TIAM1: variants seen among roughly 807,000 people sequenced by gnomAD.
TIAM1 encodes the protein rho guanine nucleotide exchange factor TIAM1.
In TIAM1, 65 loss-of-function variants were observed where a neutral mutation model predicts 163.5. That is an observed-to-expected ratio of 0.40 (90% CI 0.33 to 0.49). TIAM1 has a LOEUF of 0.49. Ranked by LOEUF, TIAM1 falls within the 20% of genes least tolerant of loss-of-function variation. The pLI, the probability that TIAM1 is intolerant of heterozygous loss-of-function variation, is 0.77. For synonymous variants in TIAM1, 833 were observed against 810.1 expected (o/e 1.03, Z -0.48); for missense variants, 1,789 against 2,044.7 (o/e 0.87, Z 2.41).
intron 4 of TIAM1, among the ~76,000 whole-genome samples, chr21:31,263,720 A>C (rs2072606115): frequency 6.6e-6 from 1 of 152,096 alleles, no homozygotes; most frequent in Non-Finnish European, 1.5e-5. Flanking sequence ...GCACTAACTG[A>C]GCACTGTTCA....
chr21:31,248,886 C>G (rs1370091539), intron 5 of TIAM1, among the ~76,000 whole-genome samples: 1 of 152,114 alleles, frequency 6.6e-6, no homozygotes, highest in East Asian at 1.9e-4. Context: ...TGCTCCTGGA[C>G]ACCTGCACCC....
Position 31,385,878 on chromosome 21 carries a change from T to TTAGTTAATA in TIAM1, c.-368-46465_-368-46457dup, listed in dbSNP as rs1219368983. 2.1e-5 allele frequency among the ~76,000 whole-genome samples: 3 copies of TTAGTTAATA among 141,710 alleles called. No individual in the cohort carries two copies. In the Admixed American group the frequency reaches 2.1e-4, roughly 10 times the overall value. The allele number at this position is 141,710 out of a possible 152,430, so 93.0% of individuals were successfully genotyped here. ...ACATATTGATTATATATTAATTATA[T>TTAGTTAATA]TAGTTAATATAATTATATTAGTTAA... On this transcript the variant is annotated intron_variant, in intron 2 of 28. Transcript: ENST00000286827.
chr21:31,351,560 G>C (rs2076234759), intron 2 of TIAM1, among the ~76,000 whole-genome samples: 1 of 152,192 alleles, frequency 6.6e-6, no homozygotes, highest in Admixed American at 6.5e-5. Context: ...AAGGGGCCCA[G>C]AGACCTGGGA....
chr21:31,541,634 G>A (rs988743048), intron 1 of TIAM1, among the ~76,000 whole-genome samples: 16 of 152,124 alleles, frequency 1.1e-4, no homozygotes, highest in Admixed American at 4.6e-4. Flanking sequence ...CAATATGCAG[G>A]CTGATGGTGT....
intron 1 of TIAM1, among the ~76,000 whole-genome samples, chr21:31,525,419 G>A (rs1050594789): frequency 1.7e-4 from 26 of 150,186 alleles, no homozygotes; most frequent in East Asian, 3.9e-4. Flanking sequence ...GCGAGAACTC[G>A]CTCCTTGTGA....
At chr21:31,438,323 C>G (rs771872907) in intron 2 of TIAM1, among the ~76,000 whole-genome samples, 1 of 150,966 alleles carries the variant, frequency 6.6e-6, no homozygotes, top group Non-Finnish European at 1.5e-5. Flanking sequence ...TCCCAAGTAG[C>G]TGGGATTACA....
At chr21:31,310,158 T>C (rs2074869768) in intron 2 of TIAM1, among the ~76,000 whole-genome samples, 2 of 152,296 alleles carry the variant, frequency 1.3e-5, no homozygotes, top group South Asian at 4.1e-4. Flanking sequence ...ACGCCTGAGT[T>C]CAGGCCAGTG....
intron 8 of TIAM1, among the ~76,000 whole-genome samples, chr21:31,222,015 G>A (rs761984626): frequency 5.3e-5 from 8 of 152,214 alleles, no homozygotes; most frequent in Non-Finnish European, 1.0e-4. Context: ...GGGAGACCAA[G>A]AGCTGAGCTG....
intron 3 of TIAM1, among the ~76,000 whole-genome samples, chr21:31,273,993 G>C (rs1200709480): frequency 6.6e-6 from 1 of 152,168 alleles, no homozygotes; most frequent in Non-Finnish European, 1.5e-5. Context: ...GAGGTAGTTG[G>C]ATCACTTGAG....
intron 1 of TIAM1, among the ~76,000 whole-genome samples, chr21:31,499,387 G>T (rs749753947): frequency 1.3e-5 from 2 of 150,980 alleles, no homozygotes; most frequent in African/African-American, 4.9e-5. Context: ...CGGTGAAATC[G>T]CATCTCTATA....
At chr21:31,474,994 G>A (rs1375857486) in intron 1 of TIAM1, among the ~76,000 whole-genome samples, 4 of 150,878 alleles carry the variant, frequency 2.7e-5, no homozygotes, top group East Asian at 3.9e-4. Context: ...AATTGCAGCC[G>A]CTCCACATAT....
chr21:31,346,581 G>C (rs941840460), upstream of TIAM1, among the ~76,000 whole-genome samples: 10 of 152,160 alleles, frequency 6.6e-5, no homozygotes, highest in African/African-American at 2.2e-4. Context: ...CGGGGAAGCC[G>C]ACATGGTGTG....
chr21:31,526,907 G>A (rs1454280575), intron 1 of TIAM1, among the ~76,000 whole-genome samples: 1 of 152,078 alleles, frequency 6.6e-6, no homozygotes. Flanking sequence ...TTGCCATGTT[G>A]ACCAGGCTGG....
chr21:31,208,953 A>T (rs574687497), intron 11 of TIAM1, among the ~76,000 whole-genome samples: 273 of 147,482 alleles, frequency 1.9e-3, no homozygotes, highest in African/African-American at 5.6e-3. Flanking sequence ...AAAGTTTTTC[A>T]TTTTTTTTTT....
chr21:31,449,855 A>G (rs559844407), intron 2 of TIAM1, among the ~76,000 whole-genome samples: 6 of 152,320 alleles, frequency 3.9e-5, no homozygotes, highest in Admixed American at 1.3e-4. Context: ...GTCCCTGCAG[A>G]TTGACCAAGC....
intron 2 of TIAM1, among the ~76,000 whole-genome samples, chr21:31,368,805 T>C (rs2076542530): frequency 6.6e-6 from 1 of 152,204 alleles, no homozygotes; most frequent in Non-Finnish European, 1.5e-5. Context: ...CTAGACTCTC[T>C]TTAGTATAAA....
At chr21:31,466,191 G>C (rs2147361380) in intron 1 of TIAM1, among the ~76,000 whole-genome samples, 1 of 152,344 alleles carries the variant, frequency 6.6e-6, no homozygotes, top group South Asian at 2.1e-4. Context: ...TAGGGAGAAA[G>C]ATTGGGCTCA....
At chr21:31,418,298 C>T (rs774856391) in intron 2 of TIAM1, among the ~76,000 whole-genome samples, 4 of 144,158 alleles carry the variant, frequency 2.8e-5, no homozygotes, top group Admixed American at 7.2e-5. Flanking sequence ...GCCGAGATCA[C>T]GCCACTGCAC....
At position 31,165,053 on chromosome 21, in the gene TIAM1, C is replaced by T. The variant is rs776504017; in HGVS notation, c.2900G>A (p.Cys967Tyr). Residue 967 changes from cysteine (C) to tyrosine (Y), a missense_variant, in exon 16 of 28, where the codon TGC becomes TAC. By Grantham distance (194) the Cys-to-Tyr change is radical. Coordinates refer to ENST00000541036, the MANE Select transcript of TIAM1 (RefSeq NM_001353694.2). ...CTCAGCACTGCTGCCCTGCTCGCTG[C>T]AAAGGCTGTGCCCTGTCAGATGAAA... ...FLTSNPGHSL[C>Y]SEQGSSAETA... 6 of 1,613,858 alleles carry T rather than the reference C, an allele frequency of 3.7e-6. No homozygotes were observed. Among genetic ancestry groups the T allele is most frequent in the Non-Finnish European group, 5.1e-6 (6 of 1,180,050 alleles).
Sources: allele counts gnomAD v4.1 joint callset (sites outside exome capture counted in the v4.1 genomes callset), GRCh38; gene constraint gnomAD v4.1.1; transcripts MANE v1.5; gene names NCBI Gene and HGNC (gene_info 2026-07-23, HGNC 2026-07-21).